Variants in SEC24B observed in about 807,000 individuals in gnomAD.
SEC24B encodes the protein SEC24 homolog B, COPII component.
A neutral mutation model predicts 142.8 loss-of-function variants in SEC24B; 45 were observed. The observed-to-expected ratio is 0.32, with a 90% CI of 0.25 to 0.40. SEC24B has a LOEUF of 0.40. Among genes scored for constraint, SEC24B ranks in the 10% least tolerant of loss-of-function variants. SEC24B has a pLI of 1.00. For synonymous variants in SEC24B, 574 were observed against 568.2 expected, an observed-to-expected ratio of 1.01 and a Z score of -0.15; for missense variants, 1,409 against 1,526.8, an observed-to-expected ratio of 0.92 and a Z score of 1.29.
rs1409667428 is a variant in SEC24B, at chr4:109,527,383, A to G, written c.3027A>G (p.Val1009=). ...CAGTGGTAAGTTCACTAGCAGATGT[A>G]TATGCGGGAGTGGATGTACAAGCTG... The part of the protein sequence containing the change: ...CLPVVSSLAD[V]YAGVDVQAAI... Residue 1009 remains valine (V), a synonymous_variant, in exon 18 of 24, where the codon GTA becomes GTG. Transcript: ENST00000265175. The G allele has an allele frequency of 3.1e-6, 5 of 1,613,862 alleles. No homozygotes were observed. Among genetic ancestry groups the G allele is most frequent in the African/African-American group, 2.7e-5 (2 of 75,020 alleles).
At chr4:109,481,845 A>G (rs1433819133) in intron 4 of SEC24B, 64 bp downstream of exon 4, 2 of 1,197,258 alleles carry the variant, frequency 1.7e-6, no homozygotes, top group Non-Finnish European at 2.4e-6. Context: ...TTGTTTCCAC[A>G]GTCTTACTTA....
intron 1 of SEC24B, 57 bp downstream of exon 1, chr4:109,434,059 C>T (rs1236216780): frequency 2.6e-5 from 27 of 1,020,062 alleles, no homozygotes; most frequent in Non-Finnish European, 2.6e-5. Context: ...GCGGCCTGCA[C>T]GGCCACATCG....
intron 11 of SEC24B, among the ~76,000 whole-genome samples, chr4:109,519,271 A>AGC (rs1258759798): frequency 6.6e-6 from 1 of 152,200 alleles, no homozygotes; most frequent in Non-Finnish European, 1.5e-5. Flanking sequence ...ATGATATAGG[A>AGC]GCCACACTGA....
intron 6 of SEC24B, among the ~76,000 whole-genome samples, chr4:109,498,347 CT>C (rs1162520975): frequency 6.6e-6 from 1 of 152,090 alleles, no homozygotes; most frequent in East Asian, 1.9e-4. Context: ...AATTATCAAA[CT>C]TTTTTAAAAG....
chr4:109,459,380 G>A (rs1389322259), intron 1 of SEC24B, among the ~76,000 whole-genome samples: 1 of 152,162 alleles, frequency 6.6e-6, no homozygotes, highest in Non-Finnish European at 1.5e-5. Context: ...AGTGCTATAA[G>A]TGTAAAATAC....
chr4:109,441,660 ACCTTGGCCTC>A (rs1561056958), intron 1 of SEC24B, among the ~76,000 whole-genome samples: 1 of 152,050 alleles, frequency 6.6e-6, no homozygotes, highest in Non-Finnish European at 1.5e-5. Context: ...TGATTCTCCT[ACCTTGGCCTC>A]CCAGAGTGCT....
chr4:109,473,598 A>T (rs968510691), intron 3 of SEC24B, among the ~76,000 whole-genome samples: 7 of 152,180 alleles, frequency 4.6e-5, no homozygotes, highest in Non-Finnish European at 1.0e-4. Context: ...ACAGAAAGTA[A>T]GCTTTGACAG....
intron 3 of SEC24B, among the ~76,000 whole-genome samples, chr4:109,478,208 C>T (rs1733374570): frequency 6.6e-6 from 1 of 151,760 alleles, no homozygotes; most frequent in Non-Finnish European, 1.5e-5. Flanking sequence ...ATCACTTGAA[C>T]CGGGGAGGCA....
chr4:109,531,311 C>G (rs1724905087), intron 19 of SEC24B, 74 bp from the exon 20 acceptor site: 6 of 1,218,104 alleles, frequency 4.9e-6, no homozygotes, highest in Non-Finnish European at 7.0e-6. Flanking sequence ...CCATGATTGA[C>G]AGTGTATATT....
At position 109,525,388 on chromosome 4, in the gene SEC24B, C is replaced by T. The variant is rs763987852; in HGVS notation, c.2675C>T (p.Pro892Leu). Residue 892 changes from proline to leucine, a missense_variant, in exon 16 of 24, where the codon CCA (proline) becomes CTA (leucine). This residue lies in a region of SEC24B where 700 missense variants were observed against 853.3 expected (regional missense o/e 0.82). Transcript: ENST00000265175. ...TCTGCAGGGTGCATCTATTATTATCCATCATTCCACTATACTCACAATCCT... is the reference window on the plus strand; with the variant it reads ...TCTGCAGGGTGCATCTATTATTATCTATCATTCCACTATACTCACAATCCT... ...KYSAGCIYYY[P>L]SFHYTHNPSQ... 5 of 1,609,596 alleles carry T rather than the reference C, an allele frequency of 3.1e-6. No individual in the cohort carries two copies. The highest frequency in any genetic ancestry group is 1.7e-5 in the Admixed American group (1 of 59,578).
In SEC24B at chr4:109,463,638, A is replaced by G. The variant is rs745482221; in HGVS notation, c.871A>G (p.Ile291Val). 1.6e-5 allele frequency: 26 copies of G among 1,611,072 alleles called. No individual in the cohort carries two copies. In the East Asian group the frequency reaches 4.7e-4, roughly 29 times the overall value. Reference sequence around the variant, plus strand: ...GGCTGTAGCGAACAACAACCCAACCATTACTGGTAGGTTGAATGAAAAGTT... The same window carrying G: ...GGCTGTAGCGAACAACAACCCAACCGTTACTGGTAGGTTGAATGAAAAGTT... ...SLAVANNNPTITVADSLSCPV... is the reference protein window; with the variant it reads ...SLAVANNNPTVTVADSLSCPV... Residue 291 changes from isoleucine to valine, a missense_variant, in exon 2 of 24, where the codon ATT (isoleucine) becomes GTT (valine). Ile to Val is a conservative substitution (Grantham distance 29, BLOSUM62 3). This residue lies in a region of SEC24B where 709 missense variants were observed against 673.5 expected (regional missense o/e 1.05). Coordinates refer to ENST00000265175, the MANE Select transcript of SEC24B (RefSeq NM_006323.5).
intron 3 of SEC24B, among the ~76,000 whole-genome samples, chr4:109,480,481 C>T (rs1343191716): frequency 6.6e-6 from 1 of 150,656 alleles, no homozygotes; most frequent in Admixed American, 6.6e-5. Flanking sequence ...TTTCTTTTTT[C>T]CTTTTCTTTT....
intron 4 of SEC24B, among the ~76,000 whole-genome samples, chr4:109,485,323 A>AT (rs1195844576): frequency 6.6e-6 from 1 of 152,192 alleles, no homozygotes; most frequent in Non-Finnish European, 1.5e-5. Flanking sequence ...ATTAAGTAAC[A>AT]TTTGTCTGTG....
intron 1 of SEC24B, among the ~76,000 whole-genome samples, chr4:109,439,745 C>T (rs1451380552): frequency 6.6e-6 from 1 of 150,518 alleles, no homozygotes. Flanking sequence ...AGATGATCCA[C>T]CCGCCTTAGC....
At chr4:109,454,767 A>G (rs537465512) in intron 1 of SEC24B, among the ~76,000 whole-genome samples, 4 of 152,286 alleles carry the variant, frequency 2.6e-5, no homozygotes, top group African/African-American at 7.2e-5. Flanking sequence ...ATATTATTCT[A>G]ACTTTCCCTC....
At chr4:109,537,537 G>C (rs1579019776) in intron 22 of SEC24B, among the ~76,000 whole-genome samples, 1 of 152,330 alleles carries the variant, frequency 6.6e-6, no homozygotes, top group Non-Finnish European at 1.5e-5. Context: ...GGGAGGCTAG[G>C]AGGCTGAGGC....
At chr4:109,473,415 A>G (rs1732743524) in intron 3 of SEC24B, among the ~76,000 whole-genome samples, 1 of 152,124 alleles carries the variant, frequency 6.6e-6, no homozygotes. Context: ...TTTTATGGCT[A>G]ATTATTCATT....
At chr4:109,467,140 C>A (rs1401584182) in intron 2 of SEC24B, among the ~76,000 whole-genome samples, 1 of 151,574 alleles carries the variant, frequency 6.6e-6, no homozygotes, top group Non-Finnish European at 1.5e-5. Flanking sequence ...TCCTGGCTAA[C>A]ACGGTGAAAC....
intron 12 of SEC24B, 39 bp from the exon 13 acceptor site, chr4:109,521,078 T>C (rs1168103798): frequency 8.0e-7 from 1 of 1,243,982 alleles, no homozygotes; most frequent in Non-Finnish European, 1.2e-6. Flanking sequence ...TGTATTCTTT[T>C]GTTCGATTTG....
Sources: gnomAD v4.1 joint callset for allele counts (sites outside exome capture counted in the v4.1 genomes callset) on GRCh38, gnomAD v4.1.1 for gene constraint, gnomAD v4.1.1 regional missense constraint, MANE v1.5 for transcripts, NCBI Gene and HGNC (gene_info 2026-07-23, HGNC 2026-07-21) for gene names.